The following OR4F6 variants were observed in gnomAD, a reference collection of about 807,000 sequenced individuals.
OR4F6 encodes olfactory receptor family 4 subfamily F member 6, also known as olfactory receptor 4F6.
A neutral mutation model predicts 15.9 loss-of-function variants in OR4F6; 13 were observed. The observed-to-expected ratio is 0.82, with a 90% CI of 0.53 to 1.30. The LOEUF is 1.30. Ranked by LOEUF, OR4F6 falls within the 50% of genes most tolerant of loss-of-function variation. OR4F6 has a pLI of 0.00. For synonymous variants in OR4F6, 150 were observed against 133.8 expected (o/e 1.12, Z -0.83); for missense variants, 426 against 367.2 (o/e 1.16, Z -1.31).
chr15:101,803,770 C>T (rs1439013584), intron 1 of OR4F6, among the ~76,000 whole-genome samples: 1 of 152,174 alleles, frequency 6.6e-6, no homozygotes, highest in East Asian at 1.9e-4. Context: ...ATTCCAGTGA[C>T]ATTTGCACAG....
Position 101,806,006 on chromosome 15 carries a change from G to A in OR4F6, c.287G>A (p.Gly96Asp), listed in dbSNP as rs1235058489. The change falls in exon 2 of 2, where the codon GGC becomes GAC. Residue 96 changes from glycine to aspartate, a missense_variant. Transcript: ENST00000328882. ...AAGCACAAGACCATCTCTTTTGGGG[G>A]CTGTGTAGTTCAGATCTTCTTTATC... ...FRKHKTISFGGCVVQIFFIHA... is the reference protein window; with the variant it reads ...FRKHKTISFGDCVVQIFFIHA... 3 of 1,614,146 alleles carry A rather than the reference G, an allele frequency of 1.9e-6. No individual in the cohort carries two copies. Among genetic ancestry groups the A allele is most frequent in the East Asian group, 2.2e-5 (1 of 44,884 alleles).
intron 1 of OR4F6, 29 bp from the exon 2 acceptor site, chr15:101,805,658 C>G (rs929508626): frequency 7.4e-7 from 1 of 1,350,124 alleles, no homozygotes; most frequent in African/African-American, 1.5e-5. Flanking sequence ...TGTCCTAAAT[C>G]AAAGTTTCTC....
Position 101,805,894 on chromosome 15 carries a change from A to G in OR4F6, c.175A>G (p.Met59Val), listed in dbSNP as rs901931843. 1 of 1,614,064 alleles carries G rather than the reference A, an allele frequency of 6.2e-7. No individual in the cohort carries two copies. The highest frequency in any genetic ancestry group is 8.5e-7 in the Non-Finnish European group (1 of 1,180,010). Residue 59 changes from methionine (M) to valine (V), a missense_variant, in exon 2 of 2, where the codon ATG becomes GTG. Transcript: ENST00000328882. ...VTSDPRLQSP[M>V]YFLLANLSII... ...CTCTGACCCTCGTTTACAGTCCCCC[A>G]TGTACTTCCTGCTGGCCAACCTTTC...
intron 1 of OR4F6, among the ~76,000 whole-genome samples, chr15:101,804,150 G>A (rs1347558106): frequency 2.2e-5 from 3 of 135,780 alleles, no homozygotes; most frequent in Non-Finnish European, 4.7e-5. Context: ...AAGGCTTGCT[G>A]TATTGTTGAT....
chr15:101,806,305 G>C lies in OR4F6; in HGVS notation c.586G>C (p.Gly196Arg), dbSNP rs867639266. The C allele has an allele frequency of 1.2e-6, 2 of 1,613,654 alleles. No individual in the cohort carries two copies. The highest frequency in any genetic ancestry group is 2.2e-5 in the South Asian group (2 of 91,072). Reference protein sequence around the residue: ...KLACIETYTLGFMVTANSGFI... With the variant: ...KLACIETYTLRFMVTANSGFI... ...GGCTTGCATAGAGACCTACACATTG[G>C]GATTCATGGTTACTGCCAATAGTGG... Residue 196 changes from glycine (G) to arginine (R), a missense_variant, in exon 2 of 2, where the codon GGA becomes CGA. Transcript: ENST00000328882.
rs759478847 is a variant in OR4F6, at chr15:101,805,960, A to G, written c.241A>G (p.Met81Val). ...LVFCSSTAPK[M>V]IYDLFRKHKT... The stretch of plus-strand genomic sequence containing the variant: ...ATTTTGTTCCTCCACAGCTCCCAAG[A>G]TGATTTATGACCTTTTCAGGAAGCA... Residue 81 changes from methionine (M) to valine (V), a missense_variant, in exon 2 of 2, where the codon ATG becomes GTG. Coordinates refer to ENST00000328882, the MANE Select transcript of OR4F6 (RefSeq NM_001005326.2). 1.9e-6 allele frequency: 3 copies of G among 1,614,066 alleles called. No individual in the cohort carries two copies. Among genetic ancestry groups the G allele is most frequent in the Non-Finnish European group, 2.5e-6 (3 of 1,180,012 alleles).
intron 1 of OR4F6, among the ~76,000 whole-genome samples, chr15:101,805,133 C>T (rs1188380527): frequency 6.6e-6 from 1 of 152,116 alleles, no homozygotes; most frequent in Non-Finnish European, 1.5e-5. Context: ...AATTTGAAGA[C>T]ATGTTGAAGA....
chr15:101,806,824 T>C lies in OR4F6; in HGVS notation c.*166T>C. 1 of 475,448 alleles carries C rather than the reference T, an allele frequency of 2.1e-6. No individual in the cohort carries two copies. The highest frequency in any genetic ancestry group is 3.7e-6 in the Non-Finnish European group (1 of 273,206). The allele number at this position is 475,448 out of a possible 1,614,324, so 29.5% of individuals were successfully genotyped here. A position where few individuals can be genotyped will look rare whatever the true frequency, so the allele number is the denominator to read the frequency against. On this transcript the variant is annotated 3_prime_UTR_variant, in exon 2 of 2. Coordinates refer to ENST00000328882, the MANE Select transcript of OR4F6 (RefSeq NM_001005326.2). ...TTGTGGTATCAATCTCTTGCTTATA[T>C]AGGAGATTTAAAGATTAAACAGTGT... is the stretch of plus-strand genomic sequence containing the variant.
At chr15:101,804,610 C>T (rs1902766713) in intron 1 of OR4F6, among the ~76,000 whole-genome samples, 1 of 152,162 alleles carries the variant, frequency 6.6e-6, no homozygotes, top group Non-Finnish European at 1.5e-5. Flanking sequence ...AAGTGGAGAG[C>T]TTAATTCTGT....
At position 101,806,059 on chromosome 15, in the gene OR4F6, C is replaced by A. The variant is rs1055081178; in HGVS notation, c.340C>A (p.Leu114Met). 6.2e-7 allele frequency: 1 copy of A among 1,614,036 alleles called. No individual in the cohort carries two copies. The change falls in exon 2 of 2, where the codon CTG (leucine) becomes ATG (methionine). Residue 114 changes from leucine to methionine, a missense_variant. Transcript: ENST00000328882. ...TGCAGTTGGGGGAACTGAGATGGTGCTGCTCATAGCCATGGCTTTTGACCG... is the reference window on the plus strand; with the variant it reads ...TGCAGTTGGGGGAACTGAGATGGTGATGCTCATAGCCATGGCTTTTGACCG... ...IHAVGGTEMV[L>M]LIAMAFDRYV... is the part of the protein sequence containing the mutation.
chr15:101,803,929 GATC>G (rs1287882250), intron 1 of OR4F6, among the ~76,000 whole-genome samples: 1 of 152,154 alleles, frequency 6.6e-6, no homozygotes, highest in African/African-American at 2.4e-5. Context: ...AGCACACAAA[GATC>G]ATCACAAAAG....
chr15:101,805,548 G>A (rs957406960), intron 1 of OR4F6, 139 bp from the exon 2 acceptor site: 1 of 594,212 alleles, frequency 1.7e-6, no homozygotes, highest in Non-Finnish European at 3.0e-6. Flanking sequence ...AATATGAGTT[G>A]CTTTGTGACT....
Position 101,806,771 on chromosome 15 carries a change from G to T in OR4F6, c.*113G>T. The T allele has an allele frequency of 1.7e-6, 1 of 596,520 alleles. No individual in the cohort carries two copies. The highest frequency in any genetic ancestry group is 2.8e-6 in the Non-Finnish European group (1 of 362,336). The allele number at this position is 596,520 out of a possible 1,614,324, so 37.0% of individuals were successfully genotyped here. A position where few individuals can be genotyped will look rare whatever the true frequency, so the allele number is the denominator to read the frequency against. ...ATCACTTTCTACTAGTATGTATTGTGTTGTCTTTTTTTTCTTCCCAAATTG... is the reference window on the plus strand; with the variant it reads ...ATCACTTTCTACTAGTATGTATTGTTTTGTCTTTTTTTTCTTCCCAAATTG... On this transcript the variant is annotated 3_prime_UTR_variant, in exon 2 of 2. Transcript: ENST00000328882.
Position 101,806,488 on chromosome 15 carries a change from T to G in OR4F6, c.769T>G (p.Phe257Val), listed in dbSNP as rs774777849. Residue 257 changes from phenylalanine to valine, a missense_variant, in exon 2 of 2, where the codon TTC (phenylalanine) becomes GTC (valine). Coordinates refer to ENST00000328882, the MANE Select transcript of OR4F6 (RefSeq NM_001005326.2). ...VVLVFGPLIF[F>V]YIFPFPTSHL... ...TTTGGTCTTTGGGCCATTAATCTTT[T>G]TCTATATTTTTCCATTTCCCACATC... 1 of 1,613,946 alleles carries G rather than the reference T, an allele frequency of 6.2e-7. No individual in the cohort carries two copies. The highest frequency in any genetic ancestry group is 1.7e-5 in the Admixed American group (1 of 59,984).
At position 101,806,287 on chromosome 15, in the gene OR4F6, A is replaced by C. The variant is rs759699018; in HGVS notation, c.568A>C (p.Ile190Leu). 1.2e-6 allele frequency: 2 copies of C among 1,613,928 alleles called. No homozygotes were observed. The highest frequency in any genetic ancestry group is 2.7e-5 in the African/African-American group (2 of 74,920). Residue 190 changes from isoleucine to leucine, a missense_variant, in exon 2 of 2, where the codon ATA (isoleucine) becomes CTA (leucine). By Grantham distance (5) the Ile-to-Leu change is conservative (BLOSUM62 2). Coordinates refer to ENST00000328882, the MANE Select transcript of OR4F6 (RefSeq NM_001005326.2). Reference sequence around the variant, plus strand: ...TCCTCGATTTATCAAACTGGCTTGCATAGAGACCTACACATTGGGATTCAT... The same window carrying C: ...TCCTCGATTTATCAAACTGGCTTGCCTAGAGACCTACACATTGGGATTCAT... ...DLPRFIKLAC[I>L]ETYTLGFMVT...
intron 1 of OR4F6, among the ~76,000 whole-genome samples, chr15:101,804,609 G>A (rs1317712717): frequency 6.6e-6 from 1 of 152,148 alleles, no homozygotes; most frequent in Admixed American, 6.5e-5. Context: ...TAAGTGGAGA[G>A]CTTAATTCTG....
Position 101,806,673 on chromosome 15 carries a change from T to C in OR4F6, c.*15T>C, listed in dbSNP as rs758712270. On this transcript the variant is annotated 3_prime_UTR_variant, in exon 2 of 2. Coordinates refer to ENST00000328882, the MANE Select transcript of OR4F6 (RefSeq NM_001005326.2). ...AAATCTTTTAAATATATTGAGAATA[T>C]ACAAAAAGGCAAATTATACTAGAAT... 5.8e-5 allele frequency: 83 copies of C among 1,423,384 alleles called. 1 individual carries two copies. The African/African-American group carries it at 9.8e-4, about 17-fold the overall frequency. 88.2% of individuals were successfully genotyped at this position (1,423,384 alleles called of 1,614,324 possible).
intron 1 of OR4F6, among the ~76,000 whole-genome samples, chr15:101,805,381 G>A (rs1355065101): frequency 6.6e-6 from 1 of 152,148 alleles, no homozygotes; most frequent in Non-Finnish European, 1.5e-5. Flanking sequence ...TGATGACAAA[G>A]GCATGTAGGC....
At chr15:101,804,615 T>G (rs984365928) in intron 1 of OR4F6, among the ~76,000 whole-genome samples, 5 of 152,224 alleles carry the variant, frequency 3.3e-5, no homozygotes, top group African/African-American at 1.2e-4. Context: ...GAGAGCTTAA[T>G]TCTGTCTTCA....
Sources: allele counts gnomAD v4.1 joint callset (sites outside exome capture counted in the v4.1 genomes callset), GRCh38; gene constraint gnomAD v4.1.1; transcripts MANE v1.5; gene names NCBI Gene and HGNC (gene_info 2026-07-23, HGNC 2026-07-21).